The following FUBP3 variants were observed in gnomAD, a reference collection of about 807,000 sequenced individuals.
FUBP3 encodes the protein far upstream element binding protein 3.
In FUBP3, 28 loss-of-function variants were observed where a neutral mutation model predicts 85.6. The observed-to-expected ratio is 0.33, with a 90% CI of 0.24 to 0.45. The LOEUF is 0.45. Ranked by LOEUF, FUBP3 falls within the 20% of genes least tolerant of loss-of-function variation. FUBP3 has a pLI of 1.00. For synonymous variants in FUBP3, 271 were observed against 271.4 expected (o/e 1.00, Z 0.01); for missense variants, 583 against 755.1 (o/e 0.77, Z 2.67).
intron 2 of FUBP3, among the ~76,000 whole-genome samples, chr9:130,600,158 C>T (rs1831085680): frequency 7.1e-6 from 1 of 140,150 alleles, no homozygotes; most frequent in Non-Finnish European, 1.5e-5. Context: ...TTCACACACC[C>T]ACCTGACCAG....
At chr9:130,601,801 A>ATTTTTTTTTTTTTTTTT (rs113638192) in intron 2 of FUBP3, among the ~76,000 whole-genome samples, 1 of 117,376 alleles carries the variant, frequency 8.5e-6, no homozygotes, top group Non-Finnish European at 1.7e-5. Flanking sequence ...ATAATTCCTA[A>ATTTTTTTTTTTTTTTTT]TTTTTTTTTT....
chr9:130,605,237 TC>T (rs2119054332), intron 2 of FUBP3, among the ~76,000 whole-genome samples: 1 of 152,272 alleles, frequency 6.6e-6, no homozygotes, highest in Non-Finnish European at 1.5e-5. Context: ...GGCCCCCTCA[TC>T]TGTTGCCTTC....
chr9:130,612,352 A>T lies in FUBP3; in HGVS notation c.225-104A>T. 1 of 706,594 alleles carries T rather than the reference A, an allele frequency of 1.4e-6. No homozygotes were observed. Among genetic ancestry groups the T allele is most frequent in the Non-Finnish European group, 2.5e-6 (1 of 397,782 alleles). The allele number at this position is 706,594 out of a possible 1,614,324, so 43.8% of individuals were successfully genotyped here. A position where few individuals can be genotyped will look rare whatever the true frequency, so the allele number is the denominator to read the frequency against. Reference sequence around the variant, plus strand: ...TGGCCAAATTGGCCTGATGTATTTTAAGCTTTTATCATGCAACATTGCCAG... The same window carrying T: ...TGGCCAAATTGGCCTGATGTATTTTTAGCTTTTATCATGCAACATTGCCAG... On this transcript the variant is annotated intron_variant, in intron 3 of 18. Coordinates refer to ENST00000319725, the MANE Select transcript of FUBP3 (RefSeq NM_003934.2). This position sits in a 1 kb window ranked among gnomAD's most constrained non-coding sequence, Gnocchi z 4.1.
intron 2 of FUBP3, 81 bp from the exon 3 acceptor site, chr9:130,609,872 GA>G: frequency 2.7e-6 from 3 of 1,098,904 alleles, no homozygotes; most frequent in Non-Finnish European, 4.1e-6. Flanking sequence ...CACCCCACCC[GA>G]AATGGTAAGA....
intron 1 of FUBP3, chr9:130,580,985 C>T (rs532903276): frequency 6.6e-6 from 1 of 152,392 alleles, no homozygotes; most frequent in Non-Finnish European, 1.5e-5. Context: ...GCTCCCCTTC[C>T]ACCACTCTGC....
chr9:130,581,831 C>T (rs1208486972), intron 1 of FUBP3: 2 of 152,164 alleles, frequency 1.3e-5, no homozygotes, highest in African/African-American at 4.8e-5. Flanking sequence ...AAGTGTCTCA[C>T]GCTCAGTTTT....
chr9:130,635,794 A>G lies in FUBP3; in HGVS notation c.1583-205A>G. 1 of 573,608 alleles carries G rather than the reference A, an allele frequency of 1.7e-6. No individual in the cohort carries two copies. Among genetic ancestry groups the G allele is most frequent in the Non-Finnish European group, 3.1e-6 (1 of 324,360 alleles). 35.5% of individuals were successfully genotyped at this position (573,608 alleles called of 1,614,324 possible). ...GGCAGGCGTGAGGATTGGTCTTCAC[A>G]GGCATAGCAGGGGCCGGGCAACAAG... On this transcript the variant is annotated intron_variant, in intron 17 of 18. Coordinates refer to ENST00000319725, the MANE Select transcript of FUBP3 (RefSeq NM_003934.2). This position sits in a 1 kb window ranked among gnomAD's most constrained non-coding sequence, Gnocchi z 4.3.
At chr9:130,607,702 T>C (rs575621981) in intron 2 of FUBP3, among the ~76,000 whole-genome samples, 3 of 152,234 alleles carry the variant, frequency 2.0e-5, no homozygotes, top group East Asian at 3.9e-4. Flanking sequence ...CTGGTTTTCA[T>C]TTTTAGGCAG....
chr9:130,606,680 C>A (rs1046625146), intron 2 of FUBP3, among the ~76,000 whole-genome samples: 1 of 151,916 alleles, frequency 6.6e-6, no homozygotes, highest in African/African-American at 2.4e-5. Flanking sequence ...ATTAGCCGGG[C>A]GTAGTGGCGC....
chr9:130,599,588 T>G (rs1254739963), intron 2 of FUBP3, among the ~76,000 whole-genome samples: 1 of 152,090 alleles, frequency 6.6e-6, no homozygotes, highest in Non-Finnish European at 1.5e-5. Context: ...CCTGAATGCC[T>G]GTCCGTGGGA....
At chr9:130,607,322 TTAC>T (rs1452264678) in intron 2 of FUBP3, among the ~76,000 whole-genome samples, 3 of 151,824 alleles carry the variant, frequency 2.0e-5, no homozygotes, top group Admixed American at 2.0e-4. Context: ...TGGCAGAGTA[TTAC>T]TCTTCAGAAA....
chr9:130,582,867 C>T (rs1830191335), intron 1 of FUBP3, among the ~76,000 whole-genome samples: 2 of 152,192 alleles, frequency 1.3e-5, no homozygotes, highest in South Asian at 4.1e-4. Flanking sequence ...AGCAGCCTTC[C>T]ACAAGCTGGA....
intron 5 of FUBP3, 144 bp downstream of exon 5, chr9:130,613,171 A>G: frequency 1.6e-6 from 1 of 624,626 alleles, no homozygotes; most frequent in East Asian, 2.7e-5. Flanking sequence ...CTCCTAAATG[A>G]GAACCAGAAG....
chr9:130,595,710 A>T, intron 2 of FUBP3, 122 bp downstream of exon 2: 2 of 711,592 alleles, frequency 2.8e-6, no homozygotes, highest in Non-Finnish European at 5.2e-6. Context: ...GAAAGGTTGA[A>T]GGGAAGTATT....
At chr9:130,590,355 G>A (rs12350766) in intron 1 of FUBP3, among the ~76,000 whole-genome samples, 18,543 of 152,174 alleles carry the variant, frequency 0.12, 1,380 homozygotes, top group East Asian at 0.24. Flanking sequence ...CAGGACTGTT[G>A]ACTGATTCCT....
intron 1 of FUBP3, among the ~76,000 whole-genome samples, chr9:130,589,697 ATATATATATTTT>A (rs1329797487): frequency 3.3e-5 from 1 of 29,964 alleles, no homozygotes; most frequent in African/African-American, 1.6e-4. Flanking sequence ...ATATATATAT[ATATATATATTTT>A]TTTTTTTTTT....
intron 2 of FUBP3, among the ~76,000 whole-genome samples, chr9:130,601,974 G>A (rs571009307): frequency 6.6e-6 from 1 of 151,724 alleles, no homozygotes; most frequent in African/African-American, 2.4e-5. Flanking sequence ...GCTAATTTTT[G>A]TATTTTTAGT....
At position 130,636,352 on chromosome 9, in the gene FUBP3, C is replaced by T. The variant is rs1389510040; in HGVS notation, c.1710+226C>T. The T allele has an allele frequency of 4.5e-5, 29 of 642,506 alleles. No homozygotes were observed. The South Asian group carries it at 4.7e-4, about 10-fold the overall frequency. 39.8% of individuals were successfully genotyped at this position (642,506 alleles called of 1,614,324 possible). ...AGGCCAAGTGGGAGGATTGGGGGCG[C>T]AGCCCCTACAAGGAAGTGCCTGAAC... On this transcript the variant is annotated intron_variant, in intron 18 of 18. Transcript: ENST00000319725.
chr9:130,589,673 G>GTATGTA (rs1291689029), intron 1 of FUBP3, among the ~76,000 whole-genome samples: 1 of 28,370 alleles, frequency 3.5e-5, no homozygotes. Context: ...ATGTATGTGT[G>GTATGTA]TGTATATATA....
Sources: allele counts gnomAD v4.1 joint callset (sites outside exome capture counted in the v4.1 genomes callset), GRCh38; gene constraint gnomAD v4.1.1; non-coding constraint Gnocchi (gnomAD v3.1); transcripts MANE v1.5; gene names NCBI Gene and HGNC (gene_info 2026-07-23, HGNC 2026-07-21).